CAMK1D: variants seen among roughly 807,000 people sequenced by gnomAD.
CAMK1D encodes calcium/calmodulin-dependent protein kinase type 1D.
Under a neutral mutation model 47.7 loss-of-function variants are expected in CAMK1D, and 9 were observed. The ratio of observed to expected loss-of-function variants is 0.19; its 90% CI spans 0.11 to 0.33. The LOEUF (loss-of-function observed/expected upper bound fraction) is 0.33, where lower values mean the gene tolerates loss of function less well. Ranked by LOEUF, CAMK1D falls within the 10% of genes least tolerant of loss-of-function variation. The pLI is 1.00. For synonymous variants in CAMK1D, 184 were observed against 184.9 expected (o/e 0.99, Z 0.04); for missense variants, 291 against 488.7 (o/e 0.60, Z 3.81).
intron 2 of CAMK1D, among the ~76,000 whole-genome samples, chr10:12,602,401 G>A (rs1459483213): frequency 6.6e-6 from 1 of 152,106 alleles, no homozygotes; most frequent in Non-Finnish European, 1.5e-5. Flanking sequence ...TTCATAGGTG[G>A]TCTACAGATA....
intron 3 of CAMK1D, among the ~76,000 whole-genome samples, chr10:12,735,783 C>CTT (rs11373540): frequency 0.15 from 21,726 of 147,384 alleles, 1,604 homozygotes; most frequent in Admixed American, 0.2. Flanking sequence ...CAGTCAGCAT[C>CTT]TTTTTTTTTT....
intron 3 of CAMK1D, among the ~76,000 whole-genome samples, chr10:12,679,461 C>T (rs772609081): frequency 1.6e-4 from 24 of 152,106 alleles, no homozygotes; most frequent in Non-Finnish European, 2.9e-4. Flanking sequence ...GCTTCTGACT[C>T]CCTAGTAGAT....
chr10:12,495,983 G>A lies in CAMK1D; in HGVS notation c.93-57242G>A, dbSNP rs536097261. Among the ~76,000 whole-genome samples the A allele has an allele frequency of 3.9e-5, 6 of 151,992 alleles. No individual in the cohort carries two copies. In the East Asian group the frequency reaches 7.7e-4, roughly 20 times the overall value. ...GCTGGGGCTACTTGTGTGCGCCACT[G>A]TGCCCTCTATTTTTTTGGTATTTTT... On this transcript the variant is annotated intron_variant, in intron 1 of 10. Transcript: ENST00000619168.
intron 3 of CAMK1D, among the ~76,000 whole-genome samples, chr10:12,724,028 G>A (rs745461032): frequency 1.3e-5 from 2 of 151,992 alleles, no homozygotes; most frequent in Non-Finnish European, 2.9e-5. Flanking sequence ...ACATTCTGTC[G>A]CACAGGCTGG....
chr10:12,562,097 G>A (rs72771711), intron 2 of CAMK1D, among the ~76,000 whole-genome samples: 1 of 152,094 alleles, frequency 6.6e-6, no homozygotes, highest in Non-Finnish European at 1.5e-5. Context: ...AAGGAAACAG[G>A]GTTCTTTAGC....
chr10:12,421,020 A>G (rs759902741), intron 1 of CAMK1D, among the ~76,000 whole-genome samples: 1 of 152,058 alleles, frequency 6.6e-6, no homozygotes, highest in African/African-American at 2.4e-5. Context: ...GAACAGCACC[A>G]CTCAGAGTCT....
chr10:12,607,023 T>C (rs981188385), intron 2 of CAMK1D, among the ~76,000 whole-genome samples: 1 of 152,110 alleles, frequency 6.6e-6, no homozygotes, highest in African/African-American at 2.4e-5. Flanking sequence ...AGACGGGGTT[T>C]CACCATGTTG....
At chr10:12,528,801 A>T (rs571913968) in intron 1 of CAMK1D, among the ~76,000 whole-genome samples, 2 of 147,662 alleles carry the variant, frequency 1.4e-5, no homozygotes, top group Admixed American at 1.4e-4. Context: ...GATTGCAGTG[A>T]TATGATCATG....
intron 8 of CAMK1D, among the ~76,000 whole-genome samples, chr10:12,823,304 G>T (rs970604361): frequency 1.3e-5 from 2 of 152,116 alleles, no homozygotes; most frequent in South Asian, 2.1e-4. Flanking sequence ...CTTAACTTCT[G>T]CAAGATTCAT....
chr10:12,680,759 C>G (rs1335793879), intron 3 of CAMK1D, among the ~76,000 whole-genome samples: 3 of 152,056 alleles, frequency 2.0e-5, no homozygotes, highest in Non-Finnish European at 4.4e-5. Context: ...TTTGCTACAT[C>G]CGGATGATTA....
rs33936519 is a variant in CAMK1D, at chr10:12,829,732, CA to C, written c.*862del. ...TGGGTGACAGAGCAAGACTCTGTCT[CA>C]AAAAAAAAAAAAAAAATTCTAACAA... On this transcript the variant is annotated 3_prime_UTR_variant, in exon 11 of 11. Coordinates refer to ENST00000619168, the MANE Select transcript of CAMK1D (RefSeq NM_153498.4). 512 of 125,988 alleles carry C rather than the reference CA, an allele frequency of 4.1e-3. 6 individuals are homozygous for C. Among genetic ancestry groups the C allele is most frequent in the Admixed American group, 0.019 (242 of 12,524 alleles). 7.8% of individuals were successfully genotyped at this position (125,988 alleles called of 1,614,324 possible).
chr10:12,783,762 T>C (rs1588922745), intron 5 of CAMK1D, among the ~76,000 whole-genome samples: 2 of 152,344 alleles, frequency 1.3e-5, no homozygotes, highest in South Asian at 2.1e-4. Flanking sequence ...CTCTCGAGTC[T>C]TTCCGTTCGC....
At chr10:12,530,361 G>A (rs1333154652) in intron 1 of CAMK1D, among the ~76,000 whole-genome samples, 1 of 152,178 alleles carries the variant, frequency 6.6e-6, no homozygotes, top group Admixed American at 6.5e-5. Flanking sequence ...TAAGCAACTG[G>A]GTCTTAGGCA....
In CAMK1D at chr10:12,553,356, A is replaced by G. The variant is rs767447307; in HGVS notation, c.224A>G (p.Lys75Arg). 5.6e-6 allele frequency: 9 copies of G among 1,609,102 alleles called. No homozygotes were observed. In the East Asian group the frequency reaches 6.7e-5, roughly 12 times the overall value. ...SIENEIAVLR[K>R]IKHENIVALE... ...GAGAATGAGATAGCCGTCCTGAGAAAGTAAGTGCTGGAGGGCAACCCTCCT... is the reference window on the plus strand; with the variant it reads ...GAGAATGAGATAGCCGTCCTGAGAAGGTAAGTGCTGGAGGGCAACCCTCCT... The change falls in exon 2 of 11, where the codon AAG becomes AGG. Residue 75 changes from lysine (K) to arginine (R), a missense_variant and splice_region_variant. Transcript: ENST00000619168.
chr10:12,530,837 A>G (rs1835781224), intron 1 of CAMK1D, among the ~76,000 whole-genome samples: 1 of 152,016 alleles, frequency 6.6e-6, no homozygotes, highest in Non-Finnish European at 1.5e-5. Flanking sequence ...TTGGAGAATT[A>G]CTTGAGGTCA....
chr10:12,386,472 C>CAA (rs201680749), intron 1 of CAMK1D, among the ~76,000 whole-genome samples: 1 of 126,408 alleles, frequency 7.9e-6, no homozygotes, highest in East Asian at 2.3e-4. Flanking sequence ...AACCCTGTCT[C>CAA]AAAAAAAAAA....
At chr10:12,796,640 G>A (rs556550867) in intron 6 of CAMK1D, among the ~76,000 whole-genome samples, 2 of 152,242 alleles carry the variant, frequency 1.3e-5, no homozygotes, top group South Asian at 2.1e-4. Context: ...GCCCCGGGGG[G>A]TCGTGATGGC....
chr10:12,461,850 C>T (rs1406308434), intron 1 of CAMK1D, among the ~76,000 whole-genome samples: 3 of 152,022 alleles, frequency 2.0e-5, no homozygotes, highest in Admixed American at 6.6e-5. Flanking sequence ...TGTTTTGCCA[C>T]GTATCTTTGG....
At chr10:12,637,264 G>A (rs764544074) in intron 2 of CAMK1D, among the ~76,000 whole-genome samples, 21 of 152,074 alleles carry the variant, frequency 1.4e-4, no homozygotes, top group Non-Finnish European at 2.8e-4. Context: ...GAGCCACTGC[G>A]CCACGTCCAT....
Sources: allele counts gnomAD v4.1 joint callset (sites outside exome capture counted in the v4.1 genomes callset), GRCh38; gene constraint gnomAD v4.1.1; transcripts MANE v1.5; gene names NCBI Gene and HGNC (gene_info 2026-07-23, HGNC 2026-07-21).